ST13: variants seen among roughly 807,000 people sequenced by gnomAD.
ST13 encodes the protein hsc70-interacting protein.
In ST13, 23 loss-of-function variants were observed where a neutral mutation model predicts 56.7. The ratio of observed to expected loss-of-function variants is 0.41; its 90% confidence interval spans 0.29 to 0.57. ST13 has a LOEUF of 0.57. Among genes scored for constraint, ST13 ranks in the 20% least tolerant of loss-of-function variants. The pLI is 0.36. For missense variants in ST13, 369 were observed against 459.9 expected (o/e 0.80, Z 1.81); for synonymous variants, 132 against 142.4 (o/e 0.93, Z 0.52).
At position 40,825,196 on chromosome 22, in the gene ST13, G is replaced by T. The variant is rs975827663; in HGVS notation, c.*1342C>A. 1 of 151,794 alleles carries T rather than the reference G, an allele frequency of 6.6e-6. No homozygotes were observed. Among genetic ancestry groups the T allele is most frequent in the African/African-American group, 2.4e-5 (1 of 41,290 alleles). 9.4% of individuals were successfully genotyped at this position (151,794 alleles called of 1,614,324 possible). A position where few individuals can be genotyped will look rare whatever the true frequency, so the allele number is the denominator to read the frequency against. On this transcript the variant is annotated 3_prime_UTR_variant, in exon 12 of 12. Coordinates refer to ENST00000216218, the MANE Select transcript of ST13 (RefSeq NM_003932.5). ...AGGGAAAGAAAGCAAGCAGAGGTGG[G>T]GATATAGTTACACTATTTAAGAGCT...
intron 7 of ST13, among the ~76,000 whole-genome samples, chr22:40,833,316 T>C (rs2057762504): frequency 6.6e-6 from 1 of 152,034 alleles, no homozygotes; most frequent in African/African-American, 2.4e-5. Flanking sequence ...ACGTCTGTAA[T>C]CCCAGCACTT....
chr22:40,846,546 CT>C (rs1418813332), intron 3 of ST13, among the ~76,000 whole-genome samples: 3 of 152,078 alleles, frequency 2.0e-5, no homozygotes, highest in Admixed American at 6.5e-5. Flanking sequence ...AAAGAAAACA[CT>C]TTTAGGTGGA....
intron 10 of ST13, among the ~76,000 whole-genome samples, 183 bp from the exon 11 acceptor site, chr22:40,827,412 A>G (rs571673860): frequency 6.6e-6 from 1 of 152,344 alleles, no homozygotes; most frequent in Admixed American, 6.5e-5. Flanking sequence ...ATCTCTTTAA[A>G]AACAAGGCTG....
At chr22:40,838,041 A>AT (rs2057786019) in intron 5 of ST13, among the ~76,000 whole-genome samples, 1 of 152,164 alleles carries the variant, frequency 6.6e-6, no homozygotes, top group Non-Finnish European at 1.5e-5. Context: ...TCCTCCATAC[A>AT]TTTAGTTCAG....
intron 9 of ST13, among the ~76,000 whole-genome samples, chr22:40,830,105 G>A (rs572336422): frequency 1.4e-4 from 21 of 152,130 alleles, no homozygotes; most frequent in African/African-American, 5.1e-4. Context: ...TTTTAAAAGA[G>A]AAAATGAACA....
chr22:40,848,583 A>G (rs2057844932), intron 2 of ST13, among the ~76,000 whole-genome samples: 1 of 152,074 alleles, frequency 6.6e-6, no homozygotes. Context: ...CATCTCTACT[A>G]AAAATACAAA....
At chr22:40,834,005 C>A (rs2057765986) in intron 7 of ST13, among the ~76,000 whole-genome samples, 1 of 151,972 alleles carries the variant, frequency 6.6e-6, no homozygotes, top group African/African-American at 2.4e-5. Flanking sequence ...TAAGAACATC[C>A]TTGGGTCACA....
At chr22:40,852,535 T>C (rs1373922675) in intron 1 of ST13, among the ~76,000 whole-genome samples, 1 of 152,172 alleles carries the variant, frequency 6.6e-6, no homozygotes, top group Non-Finnish European at 1.5e-5. Flanking sequence ...AAATGCAAAG[T>C]AGCAGATGGA....
intron 1 of ST13, 41 bp downstream of exon 1, chr22:40,856,390 T>G (rs1238932560): frequency 1.3e-6 from 2 of 1,548,660 alleles, no homozygotes; most frequent in Non-Finnish European, 1.8e-6. Context: ...CCTGGGGCCG[T>G]GCTTCCCCCG....
chr22:40,838,657 CAGCTACTCAGGAAGATTGCTTG>C (rs2057788472), intron 5 of ST13, among the ~76,000 whole-genome samples: 1 of 151,834 alleles, frequency 6.6e-6, no homozygotes, highest in East Asian at 1.9e-4. Context: ...CCTGTATTGC[CAGCTACTCAGGAAGATTGCTTG>C]AGCCTACAAA....
At chr22:40,851,934 A>G (rs138346) in intron 1 of ST13, among the ~76,000 whole-genome samples, 112,010 of 151,912 alleles carry the variant, frequency 0.74, 42,737 homozygotes, top group African/African-American at 0.94. Context: ...TAGTAGAGAC[A>G]GGGTTTCACC....
intron 1 of ST13, among the ~76,000 whole-genome samples, chr22:40,851,918 T>C (rs947163242): frequency 2.4e-4 from 36 of 152,084 alleles, no homozygotes; most frequent in African/African-American, 6.0e-4. Context: ...AGCTGATTTT[T>C]TGTTTTAGTA....
chr22:40,842,348 G>A (rs1012306917), intron 4 of ST13, among the ~76,000 whole-genome samples: 1 of 152,098 alleles, frequency 6.6e-6, no homozygotes, highest in African/African-American at 2.4e-5. Context: ...TAATGAGCAA[G>A]AGCCATGAAA....
Position 40,856,581 on chromosome 22 carries a change from GGTTCCA to G in ST13, c.-47_-42del. Reference sequence around the variant, plus strand: ...GGCGAAACTGGGGGGGCTACGGCCCGGTTCCAGGCCCAGGCGCTGGCTCGGCGTGAC... The same window carrying G: ...GGCGAAACTGGGGGGGCTACGGCCCGGGCCCAGGCGCTGGCTCGGCGTGAC... On this transcript the variant is annotated 5_prime_UTR_variant, in exon 1 of 12. Transcript: ENST00000216218. 6.4e-7 allele frequency: 1 copy of G among 1,552,274 alleles called. No homozygotes were observed. Among genetic ancestry groups the G allele is most frequent in the South Asian group, 1.1e-5 (1 of 89,852 alleles).
intron 3 of ST13, among the ~76,000 whole-genome samples, chr22:40,847,570 A>AG (rs1314695995): frequency 1.3e-5 from 2 of 151,750 alleles, no homozygotes; most frequent in African/African-American, 4.8e-5. Flanking sequence ...AAAAAAAAAA[A>AG]AAAGAAAACT....
At chr22:40,834,599 C>T (rs997377460) in intron 7 of ST13, among the ~76,000 whole-genome samples, 1 of 152,124 alleles carries the variant, frequency 6.6e-6, no homozygotes, top group African/African-American at 2.4e-5. Flanking sequence ...AACGACAGTA[C>T]ATACCAGAAG....
At chr22:40,827,034 A>G in intron 11 of ST13, 62 bp downstream of exon 11, 1 of 1,565,476 alleles carries the variant, frequency 6.4e-7, no homozygotes, top group Non-Finnish European at 8.7e-7. Context: ...TTGTCTCCAC[A>G]CAGAATTATG....
In ST13 at chr22:40,827,187, A is replaced by T; in HGVS notation, c.890T>A (p.Met297Lys). 6.2e-7 allele frequency: 1 copy of T among 1,613,390 alleles called. No homozygotes were observed. The highest frequency in any genetic ancestry group is 1.1e-5 in the South Asian group (1 of 91,058). ...GGMPGNFPGGMPGMGGGMPGM... is the reference protein window; with the variant it reads ...GGMPGNFPGGKPGMGGGMPGM... Reference sequence around the variant, plus strand: ...AGGCATGCCCCCTCCCATTCCAGGCATTCCTCCGGGAAAATTACCAGGCAT... The same window carrying T: ...AGGCATGCCCCCTCCCATTCCAGGCTTTCCTCCGGGAAAATTACCAGGCAT... The change falls in exon 11 of 12, where the codon ATG becomes AAG. Residue 297 changes from methionine (M) to lysine (K), a missense_variant. Coordinates refer to ENST00000216218, the MANE Select transcript of ST13 (RefSeq NM_003932.5).
chr22:40,840,726 T>C (rs1206366081), intron 4 of ST13, 34 bp from the exon 5 acceptor site: 7 of 1,566,230 alleles, frequency 4.5e-6, no homozygotes, highest in African/African-American at 1.4e-5. Flanking sequence ...TTAGAATTAG[T>C]AGAGAGAGAG....
Sources: allele counts gnomAD v4.1 joint callset (sites outside exome capture counted in the v4.1 genomes callset), GRCh38; gene constraint gnomAD v4.1.1; transcripts MANE v1.5; gene names NCBI Gene and HGNC (gene_info 2026-07-23, HGNC 2026-07-21).